The following KIF26B variants were observed in gnomAD, a reference collection of about 807,000 sequenced individuals.
KIF26B encodes the protein kinesin family member 26B.
In KIF26B, 63 loss-of-function variants were observed where a neutral mutation model predicts 151.2. The ratio of observed to expected loss-of-function variants is 0.42; its 90% CI spans 0.34 to 0.51. The LOEUF is 0.51. KIF26B is among the 20% of genes least tolerant of loss of function. KIF26B has a pLI of 0.07. For synonymous variants in KIF26B, 1,357 were observed against 1,262.1 expected, an observed-to-expected ratio of 1.08 and a Z score of -1.59; for missense variants, 2,813 against 2,913.6, an observed-to-expected ratio of 0.97 and a Z score of 0.79.
rs192274932 is a variant in KIF26B at position 245,375,848 on chromosome 1, G to A, written c.999+8481G>A. On this transcript the variant is annotated intron_variant, in intron 3 of 14. Transcript: ENST00000407071. This position sits in a 1 kb window ranked among gnomAD's most constrained non-coding sequence, Gnocchi z 4.2. ...CTTTTCATCTCACACAACAAACCCC[G>A]TTACCCTGCGGATCGGCCGGTCCAT... 5.3e-5 allele frequency among the ~76,000 whole-genome samples: 8 copies of A among 152,212 alleles called. No individual in the cohort carries two copies. The highest frequency in any genetic ancestry group is 1.4e-4 in the African/African-American group (6 of 41,532).
intron 10 of KIF26B, among the ~76,000 whole-genome samples, chr1:245,663,579 A>G (rs1467987000): frequency 1.3e-5 from 2 of 151,834 alleles, no homozygotes; most frequent in African/African-American, 4.8e-5. Context: ...CTGGCATTTT[A>G]TTTGTGAGAA....
intron 5 of KIF26B, among the ~76,000 whole-genome samples, chr1:245,580,798 C>T (rs1398068678): frequency 6.6e-6 from 1 of 152,190 alleles, no homozygotes; most frequent in Admixed American, 6.5e-5. Flanking sequence ...TGGATGGATA[C>T]AGCGCATGCC....
intron 3 of KIF26B, among the ~76,000 whole-genome samples, chr1:245,394,350 C>T (rs924150138): frequency 2.0e-5 from 3 of 152,178 alleles, no homozygotes; most frequent in Non-Finnish European, 4.4e-5. Flanking sequence ...AGGCTGCGTG[C>T]CGTGACTAAT....
chr1:245,437,867 C>G (rs1318319138), intron 4 of KIF26B, among the ~76,000 whole-genome samples: 1 of 152,208 alleles, frequency 6.6e-6, no homozygotes, highest in Non-Finnish European at 1.5e-5. Context: ...ATCAGTGATT[C>G]ACCTTGTGTC....
intron 2 of KIF26B, among the ~76,000 whole-genome samples, chr1:245,168,611 G>A (rs1299035800): frequency 2.0e-5 from 3 of 152,340 alleles, no homozygotes; most frequent in African/African-American, 7.2e-5. Flanking sequence ...TTCTTCCTGA[G>A]TAGCAGTATA....
At chr1:245,487,723 G>A (rs1356946930) in intron 4 of KIF26B, among the ~76,000 whole-genome samples, 1 of 151,378 alleles carries the variant, frequency 6.6e-6, no homozygotes, top group Non-Finnish European at 1.5e-5. Context: ...TACGCCTCCC[G>A]AGTAGCTAGG....
chr1:245,222,385 C>G (rs1406037889), intron 2 of KIF26B, among the ~76,000 whole-genome samples: 1 of 152,048 alleles, frequency 6.6e-6, no homozygotes, highest in African/African-American at 2.4e-5. Flanking sequence ...TGCAGTGTGT[C>G]GAGATCGTAC....
intron 2 of KIF26B, among the ~76,000 whole-genome samples, chr1:245,356,963 TGA>T (rs1261190588): frequency 2.0e-5 from 3 of 152,154 alleles, no homozygotes; most frequent in African/African-American, 7.2e-5. Flanking sequence ...TATCTGCAGG[TGA>T]GAGTTTTCTG....
At chr1:245,598,259 A>T (rs1356570711) in intron 5 of KIF26B, among the ~76,000 whole-genome samples, 1 of 152,174 alleles carries the variant, frequency 6.6e-6, no homozygotes, top group Non-Finnish European at 1.5e-5. Flanking sequence ...CATTGTGGGT[A>T]TCCACAAAGT....
intron 3 of KIF26B, among the ~76,000 whole-genome samples, chr1:245,395,724 C>G (rs1673819543): frequency 6.6e-6 from 1 of 152,130 alleles, no homozygotes; most frequent in Non-Finnish European, 1.5e-5. Flanking sequence ...TGATATACCC[C>G]CCAAAGTGTC....
chr1:245,604,119 T>C (rs12025335), intron 6 of KIF26B, among the ~76,000 whole-genome samples: 30,874 of 152,082 alleles, frequency 0.2, 4,475 homozygotes, highest in African/African-American at 0.38. Context: ...ATTGCAGAAA[T>C]GAATAACCCA....
chr1:245,380,955 G>GGAAAAAAAAA (rs1431076495), intron 3 of KIF26B, among the ~76,000 whole-genome samples: 1 of 77,932 alleles, frequency 1.3e-5, no homozygotes. Context: ...CCAAAAAGAT[G>GGAAAAAAAAA]AAAAAAAAAA....
intron 2 of KIF26B, among the ~76,000 whole-genome samples, chr1:245,287,628 C>T (rs188626962): frequency 5.1e-4 from 78 of 152,106 alleles, no homozygotes; most frequent in African/African-American, 1.6e-3. Flanking sequence ...CTCAGCCTTC[C>T]AATTAGCTGG....
chr1:245,390,703 T>C (rs1319720841), intron 3 of KIF26B, among the ~76,000 whole-genome samples: 1 of 151,688 alleles, frequency 6.6e-6, no homozygotes, highest in African/African-American at 2.4e-5. Context: ...GAGAAGTAGG[T>C]ATTATGAAGA....
rs1014467069 is a variant in KIF26B at position 245,560,618 on chromosome 1, G to C, written c.1350+19668G>C. ...TTGAAAACATCTCAGCGCACTTCAC[G>C]GAGGTTCTCAGAGACCCCATAAGTT... On this transcript the variant is annotated intron_variant, in intron 5 of 14. Transcript: ENST00000407071. The surrounding 1 kb of genome is among the most constrained non-coding windows in gnomAD (Gnocchi z 4.3). Among the ~76,000 whole-genome samples the C allele has an allele frequency of 7.9e-5, 12 of 152,046 alleles. No homozygotes were observed. The highest frequency in any genetic ancestry group is 2.9e-4 in the African/African-American group (12 of 41,390).
intron 4 of KIF26B, among the ~76,000 whole-genome samples, chr1:245,496,224 T>C (rs1660511898): frequency 6.6e-6 from 1 of 151,996 alleles, no homozygotes. Flanking sequence ...ATAAAGTAAA[T>C]GTAGAAAAAA....
At chr1:245,701,271 A>G (rs1192568733) in intron 14 of KIF26B, among the ~76,000 whole-genome samples, 1 of 152,224 alleles carries the variant, frequency 6.6e-6, no homozygotes, top group Non-Finnish European at 1.5e-5. Context: ...CTGCCTGCTG[A>G]CTATTCCCTG....
chr1:245,221,166 A>C (rs1404841429), intron 2 of KIF26B, among the ~76,000 whole-genome samples: 2 of 152,176 alleles, frequency 1.3e-5, no homozygotes, highest in East Asian at 3.9e-4. Context: ...TGTGTAGCCT[A>C]TATCCAAATA....
intron 3 of KIF26B, among the ~76,000 whole-genome samples, chr1:245,383,485 C>T (rs908314020): frequency 5.3e-5 from 8 of 152,168 alleles, no homozygotes; most frequent in Admixed American, 2.6e-4. Context: ...TTCAAGACAA[C>T]GGTGTCTTGT....
Sources: allele counts gnomAD v4.1 joint callset (sites outside exome capture counted in the v4.1 genomes callset), GRCh38; gene constraint gnomAD v4.1.1; non-coding constraint Gnocchi (gnomAD v3.1); transcripts MANE v1.5; gene names NCBI Gene and HGNC (gene_info 2026-07-23, HGNC 2026-07-21).